The following SLC25A32 variants were observed in gnomAD, a reference collection of about 807,000 sequenced individuals.
SLC25A32 encodes solute carrier family 25 member 32, also known as Glycine auxotroph B, complementation of hamster.
A neutral mutation model predicts 39.0 loss-of-function variants in SLC25A32; 32 were observed. The observed-to-expected ratio is 0.82, with a 90% CI of 0.62 to 1.10. SLC25A32 has a LOEUF of 1.10. Among genes scored for constraint, SLC25A32 ranks in the 50% least tolerant of loss-of-function variants. SLC25A32 has a pLI of 0.00. For synonymous variants in SLC25A32, 166 were observed against 152.4 expected, an observed-to-expected ratio of 1.09 and a Z score of -0.66; for missense variants, 367 against 395.3, an observed-to-expected ratio of 0.93 and a Z score of 0.61.
At position 103,399,063 on chromosome 8, in the gene SLC25A32, T is replaced by C. The variant is rs1274968693; in HGVS notation, c.*1348A>G. The C allele has an allele frequency of 6.6e-6, 1 of 152,224 alleles. No homozygotes were observed. Among genetic ancestry groups the C allele is most frequent in the Non-Finnish European group, 1.5e-5 (1 of 68,036 alleles). 9.4% of individuals were successfully genotyped at this position (152,224 alleles called of 1,614,324 possible). On this transcript the variant is annotated 3_prime_UTR_variant, in exon 7 of 7. Transcript: ENST00000297578. ...AAAAATACTAGTATTCTGGCATCCT[T>C]TGGGTACAGGCCCTTTTATATTTAT...
chr8:103,409,367 T>A (rs1465506126), intron 1 of SLC25A32, among the ~76,000 whole-genome samples: 1 of 152,176 alleles, frequency 6.6e-6, no homozygotes, highest in Non-Finnish European at 1.5e-5. Flanking sequence ...TTTTAACATA[T>A]GACATTATGG....
chr8:103,403,125 A>C, intron 4 of SLC25A32, 39 bp downstream of exon 4: 1 of 1,450,964 alleles, frequency 6.9e-7, no homozygotes, highest in Non-Finnish European at 9.3e-7. Flanking sequence ...CGGAAATTCA[A>C]ATTTTTCAGT....
chr8:103,407,972 T>TAA (rs1554629198), intron 1 of SLC25A32, among the ~76,000 whole-genome samples, 188 bp from the exon 2 acceptor site: 9 of 146,590 alleles, frequency 6.1e-5, no homozygotes, highest in South Asian at 2.1e-4. Flanking sequence ...TATATATATA[T>TAA]AAATATGTAA....
chr8:103,408,464 G>C lies in SLC25A32; in HGVS notation c.155-680C>G, dbSNP rs141185133. ...GTTTTTGCTCCAAGGTTAAGGATTT[G>C]AATGTTAAAAAATATTACTCAAAAA... is the stretch of plus-strand genomic sequence containing the variant. On this transcript the variant is annotated intron_variant, in intron 1 of 6. Transcript: ENST00000297578. Among the ~76,000 whole-genome samples, 411 of 152,206 alleles carry C rather than the reference G, an allele frequency of 2.7e-3. 3 individuals carry two copies. Among genetic ancestry groups the C allele is most frequent in the Non-Finnish European group, 5.0e-3 (341 of 68,008 alleles).
chr8:103,414,866 C>A lies in SLC25A32; in HGVS notation c.72G>T (p.Glu24Asp). 6.2e-7 allele frequency: 1 copy of A among 1,613,468 alleles called. No individual in the cohort carries two copies. Among genetic ancestry groups the A allele is most frequent in the Non-Finnish European group, 8.5e-7 (1 of 1,179,910 alleles). ...WSTVFRHVRY[E>D]NLIAGVSGGV... ...CGCCGCTCACGCCCGCTATCAGGTT[C>A]TCATACCGGACGTGGCGGAATACCG... The change falls in exon 1 of 7, where the codon GAG (glutamate) becomes GAT (aspartate). Residue 24 changes from glutamate (E) to aspartate (D), a missense_variant. Physicochemically the swap from Glu to Asp is conservative, Grantham distance 45 (BLOSUM62 2). Transcript: ENST00000297578.
At position 103,414,823 on chromosome 8, in the gene SLC25A32, C is replaced by A. The variant is rs144470699; in HGVS notation, c.115G>T (p.Ala39Ser). The A allele has an allele frequency of 9.0e-5, 145 of 1,613,698 alleles. No homozygotes were observed. The highest frequency in any genetic ancestry group is 2.6e-5 in the Non-Finnish European group (31 of 1,180,046). ...TTCACGAGGTCGAGCGGATGCAGCG[C>A]AAGGTTGGATAAGACGCCGCCGCTC... ...GVSGGVLSNL[A>S]LHPLDLVKIR... is the part of the protein sequence containing the mutation. The change falls in exon 1 of 7, where the codon GCG becomes TCG. Residue 39 changes from alanine (A) to serine (S), a missense_variant. Physicochemically the swap from Ala to Ser is moderately conservative, Grantham distance 99 (BLOSUM62 1). Transcript: ENST00000297578.
intron 3 of SLC25A32, 64 bp downstream of exon 3, chr8:103,404,712 C>T (rs1030772030): frequency 3.9e-5 from 48 of 1,215,460 alleles, no homozygotes; most frequent in Non-Finnish European, 5.6e-5. Flanking sequence ...GAAAAGAAAT[C>T]AAAAACCAAA....
At chr8:103,411,840 T>C (rs1049296942) in intron 1 of SLC25A32, among the ~76,000 whole-genome samples, 1 of 152,248 alleles carries the variant, frequency 6.6e-6, no homozygotes, top group African/African-American at 2.4e-5. Flanking sequence ...GCATAAAAGA[T>C]AATGTCAATC....
chr8:103,412,661 C>T (rs1013247845), intron 1 of SLC25A32, among the ~76,000 whole-genome samples: 2 of 152,174 alleles, frequency 1.3e-5, no homozygotes, highest in Non-Finnish European at 1.5e-5. Flanking sequence ...CATGTAAGTT[C>T]TCTAAATATC....
intron 1 of SLC25A32, among the ~76,000 whole-genome samples, chr8:103,412,235 G>A (rs1309664842): frequency 6.6e-6 from 1 of 152,188 alleles, no homozygotes; most frequent in Admixed American, 6.5e-5. Flanking sequence ...CGGCACTACT[G>A]TTACTGAATT....
intron 1 of SLC25A32, among the ~76,000 whole-genome samples, chr8:103,410,923 T>C (rs1484840099): frequency 6.6e-6 from 1 of 152,186 alleles, no homozygotes. Context: ...GTTTTACCCC[T>C]CCTTTCCTCT....
chr8:103,408,065 C>T (rs1251708589), intron 1 of SLC25A32, among the ~76,000 whole-genome samples: 2 of 151,080 alleles, frequency 1.3e-5, no homozygotes, highest in Admixed American at 1.3e-4. Flanking sequence ...GCAATCTCCG[C>T]CTCCCAGGTT....
intron 1 of SLC25A32, among the ~76,000 whole-genome samples, chr8:103,410,266 T>C (rs1816435878): frequency 6.6e-6 from 1 of 152,096 alleles, no homozygotes; most frequent in South Asian, 2.1e-4. Context: ...AAATCAGGGG[T>C]CCCCAACTCC....
At position 103,400,453 on chromosome 8, in the gene SLC25A32, G is replaced by A. The variant is rs761562370; in HGVS notation, c.906C>T (p.Asn302=). The A allele has an allele frequency of 2.0e-5, 32 of 1,614,022 alleles. No homozygotes were observed. Among genetic ancestry groups the A allele is most frequent in the South Asian group, 1.6e-4 (15 of 91,082 alleles). The part of the protein sequence containing the change: ...ACCITFVVYE[N]VSHFLLDLRE... ...TAAGGTCAAGTAAAAAATGTGAGAC[G>A]TTTTCATATACCACAAAGGTAATAC... The change falls in exon 7 of 7, where the codon AAC becomes AAT. Residue 302 remains asparagine, a synonymous_variant. Transcript: ENST00000297578.
intron 1 of SLC25A32, 118 bp downstream of exon 1, chr8:103,414,666 A>G (rs1816550164): frequency 3.6e-6 from 5 of 1,405,162 alleles, no homozygotes; most frequent in Non-Finnish European, 4.8e-6. Context: ...AGGTTAGCCA[A>G]CGCGGACAGC....
chr8:103,413,974 G>A (rs1257805435), intron 1 of SLC25A32, among the ~76,000 whole-genome samples: 3 of 152,158 alleles, frequency 2.0e-5, no homozygotes, highest in Non-Finnish European at 4.4e-5. Context: ...TTCCCTGAAG[G>A]CAAGAACTTT....
chr8:103,401,903 A>G (rs771751865), intron 5 of SLC25A32, 38 bp downstream of exon 5: 1 of 1,544,320 alleles, frequency 6.5e-7, no homozygotes, highest in Admixed American at 1.8e-5. Context: ...AAATACCCAT[A>G]AAAGGAAATG....
In SLC25A32 at chr8:103,400,226, T is replaced by C. The variant is rs761071800; in HGVS notation, c.*185A>G. ...CAGGCAGAGGTAGCCAAGTTCCATA[T>C]ATATGGGGAAGGCAAAAAGCAAGAA... is the stretch of plus-strand genomic sequence containing the variant. On this transcript the variant is annotated 3_prime_UTR_variant, in exon 7 of 7. Coordinates refer to ENST00000297578, the MANE Select transcript of SLC25A32 (RefSeq NM_030780.5). 171 of 568,642 alleles carry C rather than the reference T, an allele frequency of 3.0e-4. No homozygotes were observed. The highest frequency in any genetic ancestry group is 4.3e-4 in the Non-Finnish European group (153 of 353,474). 35.2% of individuals were successfully genotyped at this position (568,642 alleles called of 1,614,324 possible).
chr8:103,403,117 GA>G (rs1325796009), intron 4 of SLC25A32, 46 bp downstream of exon 4: 1 of 1,401,740 alleles, frequency 7.1e-7, no homozygotes, highest in Non-Finnish European at 9.6e-7. Context: ...AGAGCCAACG[GA>G]AATTCAAATT....
Sources: allele counts gnomAD v4.1 joint callset (sites outside exome capture counted in the v4.1 genomes callset), GRCh38; gene constraint gnomAD v4.1.1; transcripts MANE v1.5; gene names NCBI Gene and HGNC (gene_info 2026-07-23, HGNC 2026-07-21).